PIBF1: variants seen among roughly 807,000 people sequenced by gnomAD.
The protein encoded by PIBF1 is progesterone immunomodulatory binding factor 1.
PIBF1 carries 90 observed loss-of-function variants against 112.5 expected under a neutral mutation model. The observed-to-expected ratio is 0.80, with a 90% CI of 0.67 to 0.95. PIBF1 has a LOEUF of 0.95. Among genes scored for constraint, PIBF1 ranks in the 40% least tolerant of loss-of-function variants. The pLI is 0.00. For missense variants in PIBF1, 915 were observed against 852.3 expected (o/e 1.07, Z -0.92); for synonymous variants, 301 against 288.6 (o/e 1.04, Z -0.44).
chr13:73,015,095 C>G (rs1031371199), intron 17 of PIBF1, among the ~76,000 whole-genome samples: 1 of 149,620 alleles, frequency 6.7e-6, no homozygotes, highest in Non-Finnish European at 1.5e-5. Flanking sequence ...GTCAAGTGAT[C>G]TTCTCACCTC....
intron 5 of PIBF1, among the ~76,000 whole-genome samples, chr13:72,799,761 A>G (rs533944335): frequency 6.6e-6 from 1 of 152,122 alleles, no homozygotes. Context: ...GGTTCTATAC[A>G]CCTTATGGTA....
At chr13:72,842,226 A>G (rs1200369691) in intron 9 of PIBF1, among the ~76,000 whole-genome samples, 4 of 152,192 alleles carry the variant, frequency 2.6e-5, no homozygotes, top group Non-Finnish European at 4.4e-5. Flanking sequence ...AAGTAAAACT[A>G]CCTTTATTTA....
intron 14 of PIBF1, among the ~76,000 whole-genome samples, chr13:72,955,724 A>G (rs1157020092): frequency 6.6e-6 from 1 of 152,254 alleles, no homozygotes; most frequent in East Asian, 1.9e-4. Flanking sequence ...CTTGAACTCA[A>G]ATTCTGTTCT....
intron 12 of PIBF1, among the ~76,000 whole-genome samples, chr13:72,915,295 G>A (rs1241994781): frequency 6.6e-6 from 1 of 152,038 alleles, no homozygotes; most frequent in East Asian, 1.9e-4. Flanking sequence ...CCTATACCTT[G>A]TAGCATGGGA....
intron 6 of PIBF1, among the ~76,000 whole-genome samples, 163 bp downstream of exon 6, chr13:72,822,145 T>C (rs960626261): frequency 2.0e-5 from 3 of 152,208 alleles, no homozygotes; most frequent in African/African-American, 7.2e-5. Flanking sequence ...ATTGTATTTT[T>C]ATATTGGTTG....
chr13:72,841,224 G>C lies in PIBF1; in HGVS notation c.1223+5856G>C, dbSNP rs559216247. Among the ~76,000 whole-genome samples the C allele has an allele frequency of 2.0e-5, 3 of 152,180 alleles. No individual in the cohort carries two copies. The South Asian group carries it at 6.2e-4, about 32-fold the overall frequency. ...TCTAGTTACTTAAAATTCCACTTTG[G>C]AGCTGTAGGAAATGAGTGAAAGGTA... On this transcript the variant is annotated intron_variant, in intron 9 of 17. Coordinates refer to ENST00000326291, the MANE Select transcript of PIBF1 (RefSeq NM_006346.4).
intron 9 of PIBF1, among the ~76,000 whole-genome samples, chr13:72,853,431 G>T (rs1447758297): frequency 6.6e-6 from 1 of 152,098 alleles, no homozygotes; most frequent in East Asian, 1.9e-4. Context: ...ACTGAAAAGT[G>T]CTGTTCTACC....
At chr13:72,874,844 T>A (rs2039327408) in intron 10 of PIBF1, among the ~76,000 whole-genome samples, 1 of 152,168 alleles carries the variant, frequency 6.6e-6, no homozygotes, top group Non-Finnish European at 1.5e-5. Flanking sequence ...CCCCTACCCC[T>A]ACACATGTAT....
At chr13:72,876,487 G>C (rs1244788821) in intron 10 of PIBF1, among the ~76,000 whole-genome samples, 3 of 152,092 alleles carry the variant, frequency 2.0e-5, no homozygotes, top group Non-Finnish European at 4.4e-5. Flanking sequence ...TTGGGATTTT[G>C]ATTGGGATTA....
intron 13 of PIBF1, among the ~76,000 whole-genome samples, chr13:72,927,804 A>G (rs1401753347): frequency 6.6e-6 from 1 of 150,550 alleles, no homozygotes; most frequent in Non-Finnish European, 1.5e-5. Flanking sequence ...CAATCTTAAT[A>G]AATCTGAGTA....
chr13:72,964,983 A>C (rs1307034486), intron 14 of PIBF1, among the ~76,000 whole-genome samples: 1 of 152,054 alleles, frequency 6.6e-6, no homozygotes, highest in Admixed American at 6.6e-5. Flanking sequence ...AATCACTTGA[A>C]CCTGGAAGGC....
intron 14 of PIBF1, among the ~76,000 whole-genome samples, chr13:72,954,386 G>A (rs2042383674): frequency 1.3e-5 from 2 of 152,232 alleles, no homozygotes; most frequent in South Asian, 2.1e-4. Flanking sequence ...CAGCCCCCTG[G>A]TTCTGGCCGA....
chr13:72,790,487 CTT>C (rs1303484577), intron 2 of PIBF1, among the ~76,000 whole-genome samples: 56 of 146,678 alleles, frequency 3.8e-4, no homozygotes, highest in African/African-American at 1.5e-3. Flanking sequence ...CACACACACC[CTT>C]ATAGATAGAT....
In PIBF1 at chr13:72,827,870, C is replaced by A; in HGVS notation, c.1053C>A (p.Ser351Arg). 2 of 1,586,270 alleles carry A rather than the reference C, an allele frequency of 1.3e-6. No individual in the cohort carries two copies. The highest frequency in any genetic ancestry group is 1.3e-5 in the African/African-American group (1 of 74,092). Residue 351 changes from serine to arginine, a missense_variant, in exon 8 of 18, where the codon AGC becomes AGA. By Grantham distance (110) the Ser-to-Arg change is moderately radical. Transcript: ENST00000326291. ...LERLQAQLEE[S>R]KKAREEMYEK... ...GACTTCAAGCTCAACTGGAAGAAAG[C>A]AAAAAGGCTAGAGAAGAGATGTATG...
At position 72,946,808 on chromosome 13, in the gene PIBF1, G is replaced by A. The variant is rs117551475; in HGVS notation, c.1833+15541G>A. On this transcript the variant is annotated intron_variant, in intron 14 of 17. Transcript: ENST00000326291. ...ACATCCAGGTCACATTGATGCAAGA[G>A]GTGGGCTCCCACGGTCTTGGGCAGC... Among the ~76,000 whole-genome samples the A allele has an allele frequency of 8.6e-3, 1,314 of 152,326 alleles. 64 individuals are homozygous for A. Among genetic ancestry groups the A allele is most frequent in the East Asian group, 9.1e-3 (47 of 5,180 alleles).
chr13:72,799,629 C>G (rs905952412), intron 5 of PIBF1, among the ~76,000 whole-genome samples: 3 of 152,168 alleles, frequency 2.0e-5, no homozygotes, highest in African/African-American at 7.2e-5. Context: ...TGTTTGGCCA[C>G]TTTCTAATTT....
chr13:72,787,372 G>A (rs536693557), intron 2 of PIBF1, among the ~76,000 whole-genome samples: 62 of 152,308 alleles, frequency 4.1e-4, no homozygotes, highest in African/African-American at 1.4e-3. Context: ...TCTAAAGCTA[G>A]TACACCCCAC....
chr13:72,943,911 A>G (rs1383199298), intron 14 of PIBF1, among the ~76,000 whole-genome samples: 6 of 152,178 alleles, frequency 3.9e-5, no homozygotes, highest in Admixed American at 3.9e-4. Flanking sequence ...TAATAATACT[A>G]TATTGCATGT....
At chr13:73,003,149 G>A (rs542799931) in intron 17 of PIBF1, among the ~76,000 whole-genome samples, 1 of 152,044 alleles carries the variant, frequency 6.6e-6, no homozygotes, top group African/African-American at 2.4e-5. Flanking sequence ...AGCATATGTT[G>A]TATAGATAGA....
Sources: gnomAD v4.1 joint callset for allele counts (sites outside exome capture counted in the v4.1 genomes callset) on GRCh38, gnomAD v4.1.1 for gene constraint, MANE v1.5 for transcripts, NCBI Gene and HGNC (gene_info 2026-07-23, HGNC 2026-07-21) for gene names.